Variants in SYN3 observed in about 807,000 individuals in gnomAD.
The protein encoded by SYN3 is synapsin III.
SYN3 carries 35 observed loss-of-function variants against 65.8 expected under a neutral mutation model. That is an observed-to-expected ratio of 0.53 (90% CI 0.41 to 0.70). The LOEUF (loss-of-function observed/expected upper bound fraction) is 0.70. Ranked by LOEUF, SYN3 falls within the 30% of genes least tolerant of loss-of-function variation. The pLI, the probability that SYN3 is intolerant of heterozygous loss-of-function variation, is 0.00. For missense variants in SYN3, 680 were observed against 749.0 expected (o/e 0.91, Z 1.08); for synonymous variants, 270 against 292.9 (o/e 0.92, Z 0.80).
rs941743218 is a variant in SYN3 at position 32,931,313 on chromosome 22, G to A, written c.461+77C>T. ...TGGCAAAGGAGTTAGGTCGCAGGAA[G>A]TGGACGGAGGGGTGGGCTACATGAG... is the stretch of plus-strand genomic sequence containing the variant. On this transcript the variant is annotated intron_variant, in intron 4 of 13. Transcript: ENST00000358763. 1.1e-4 allele frequency: 109 copies of A among 955,836 alleles called. No homozygotes were observed. In the Admixed American group the frequency reaches 1.9e-3, roughly 17 times the overall value. 59.2% of individuals were successfully genotyped at this position (955,836 alleles called of 1,614,324 possible).
At chr22:32,757,057 T>TTGG (rs1555949828) in intron 6 of SYN3, among the ~76,000 whole-genome samples, 3 of 148,346 alleles carry the variant, frequency 2.0e-5, no homozygotes, top group African/African-American at 7.5e-5. Flanking sequence ...CACTTTTTTT[T>TTGG]GAGGGGGGGT....
intron 6 of SYN3, among the ~76,000 whole-genome samples, chr22:32,643,347 G>GA (rs1178620176): frequency 5.7e-4 from 87 of 152,252 alleles, no homozygotes; most frequent in Non-Finnish European, 5.9e-5. Flanking sequence ...CAAAGTGCTG[G>GA]GATTACAGGC....
rs568512979 is a variant in SYN3 at position 32,760,253 on chromosome 22, G to A, written c.711+104662C>T. Among the ~76,000 whole-genome samples the A allele has an allele frequency of 3.4e-4, 44 of 129,724 alleles. 1 individual carries two copies. Among genetic ancestry groups the A allele is most frequent in the Middle Eastern group, 4.4e-3 (1 of 226 alleles). The allele number at this position is 129,724 out of a possible 152,430, so 85.1% of individuals were successfully genotyped here. A position where few individuals can be genotyped will look rare whatever the true frequency, so the allele number is the denominator to read the frequency against. ...ACAGCCAGCACCCATGCAGGCCTGC[G>A]GCCCTTCCTTGATTGAGTCTAAAGG... On this transcript the variant is annotated intron_variant, in intron 6 of 13. Transcript: ENST00000358763.
chr22:32,690,005 G>A (rs985248167), intron 6 of SYN3, among the ~76,000 whole-genome samples: 9 of 152,140 alleles, frequency 5.9e-5, no homozygotes, highest in African/African-American at 1.4e-4. Flanking sequence ...GTCAAACCCC[G>A]TCTCTACTAA....
At chr22:32,931,226 C>T (rs145460164) in intron 4 of SYN3, 164 bp downstream of exon 4, 24 of 581,866 alleles carry the variant, frequency 4.1e-5, no homozygotes, top group Middle Eastern at 4.8e-4. Context: ...TGATATGTGC[C>T]GCTGGTCATT....
intron 7 of SYN3, among the ~76,000 whole-genome samples, chr22:32,564,937 T>TACCCAAACAGTGCTCCTGGACTGC (rs559202785): frequency 2.0e-5 from 2 of 98,818 alleles, no homozygotes; most frequent in Admixed American, 1.0e-4. Flanking sequence ...TCCCGGATTG[T>TACCCAAACAGTGCTCCTGGACTGC]ACCCAAACAG....
At position 33,051,658 on chromosome 22, in the gene SYN3, C is replaced by T. The variant is rs567384941; in HGVS notation, c.-163+6634G>A. ...CCAGCCTGGGACACCTAGAAAAGTGCCCAAATACATTAAGGCACACAAACA... is the reference window on the plus strand; with the variant it reads ...CCAGCCTGGGACACCTAGAAAAGTGTCCAAATACATTAAGGCACACAAACA... On this transcript the variant is annotated intron_variant, in intron 1 of 13. Transcript: ENST00000358763. Among the ~76,000 whole-genome samples, 5 of 144,620 alleles carry T rather than the reference C, an allele frequency of 3.5e-5. No homozygotes were observed. The East Asian group carries it at 1.0e-3, about 29-fold the overall frequency. 94.9% of individuals were successfully genotyped at this position (144,620 alleles called of 152,430 possible).
At chr22:32,605,605 G>A (rs1248340405) in intron 6 of SYN3, among the ~76,000 whole-genome samples, 1 of 152,208 alleles carries the variant, frequency 6.6e-6, no homozygotes. Context: ...AAAGAGAGGT[G>A]AAGTTTTTGG....
chr22:32,736,957 A>C (rs2061343188), intron 6 of SYN3, among the ~76,000 whole-genome samples: 1 of 152,144 alleles, frequency 6.6e-6, no homozygotes, highest in Admixed American at 6.5e-5. Context: ...GCATACCAGT[A>C]AGCAAGCAGA....
intron 6 of SYN3, among the ~76,000 whole-genome samples, chr22:32,705,941 A>C (rs946033326): frequency 6.6e-6 from 1 of 152,234 alleles, no homozygotes; most frequent in African/African-American, 2.4e-5. Context: ...GTTGTTTATC[A>C]GCTTAAAGAG....
chr22:32,798,793 G>A (rs943121834), intron 6 of SYN3, among the ~76,000 whole-genome samples: 2 of 144,022 alleles, frequency 1.4e-5, no homozygotes, highest in East Asian at 2.1e-4. Flanking sequence ...CCAGGTTCAC[G>A]CCATTCTCCT....
At chr22:32,663,380 G>C (rs1164589864) in intron 6 of SYN3, among the ~76,000 whole-genome samples, 2 of 150,534 alleles carry the variant, frequency 1.3e-5, no homozygotes, top group South Asian at 2.1e-4. Context: ...CTCACTGCAA[G>C]CTCCGCCTCC....
chr22:32,629,205 T>C (rs764510294), intron 6 of SYN3, among the ~76,000 whole-genome samples: 2 of 152,158 alleles, frequency 1.3e-5, no homozygotes, highest in Admixed American at 6.5e-5. Flanking sequence ...AGAGCAGCCC[T>C]CGAGGTAGGA....
chr22:32,640,031 C>G (rs1043669861), intron 6 of SYN3, among the ~76,000 whole-genome samples: 2 of 152,256 alleles, frequency 1.3e-5, no homozygotes, highest in African/African-American at 4.8e-5. Flanking sequence ...CAAAACTGTT[C>G]TCTCCACAAA....
intron 6 of SYN3, among the ~76,000 whole-genome samples, chr22:32,670,940 G>A (rs2060352280): frequency 6.6e-6 from 1 of 152,220 alleles, no homozygotes; most frequent in East Asian, 1.9e-4. Context: ...GACCACTACG[G>A]TGTTCAGGAA....
At chr22:32,788,484 T>G (rs1211848802) in intron 6 of SYN3, among the ~76,000 whole-genome samples, 1 of 151,732 alleles carries the variant, frequency 6.6e-6, no homozygotes, top group African/African-American at 2.4e-5. Context: ...GAGGTTGCAG[T>G]GAGCAGAGAT....
chr22:33,053,543 T>C (rs1386582914), intron 1 of SYN3, among the ~76,000 whole-genome samples: 1 of 152,208 alleles, frequency 6.6e-6, no homozygotes, highest in Admixed American at 6.5e-5. Flanking sequence ...AAGCCTTTTA[T>C]TTACTTATTG....
At chr22:32,963,220 C>G (rs5998675) in intron 3 of SYN3, among the ~76,000 whole-genome samples, 5,840 of 149,140 alleles carry the variant, frequency 0.039, 373 homozygotes, top group African/African-American at 0.14. Flanking sequence ...GGATTACAGG[C>G]ATGTGCCACC....
chr22:32,618,990 A>G (rs576101754), intron 6 of SYN3, among the ~76,000 whole-genome samples: 1 of 151,876 alleles, frequency 6.6e-6, no homozygotes, highest in Non-Finnish European at 1.5e-5. Flanking sequence ...AATAGAGAGG[A>G]CTCTAAATGC....
Sources: gnomAD v4.1 joint callset for allele counts (sites outside exome capture counted in the v4.1 genomes callset) on GRCh38, gnomAD v4.1.1 for gene constraint, MANE v1.5 for transcripts, NCBI Gene and HGNC (gene_info 2026-07-23, HGNC 2026-07-21) for gene names.